FER: variants seen among roughly 807,000 people sequenced by gnomAD.
The protein encoded by FER is FER tyrosine kinase.
In FER, 63 loss-of-function variants were observed where a neutral mutation model predicts 111.0. The ratio of observed to expected loss-of-function variants is 0.57; its 90% CI spans 0.46 to 0.70. The LOEUF is 0.70. Ranked by LOEUF, FER falls within the 30% of genes least tolerant of loss-of-function variation. FER has a pLI of 0.00. For synonymous variants in FER, 327 were observed against 313.9 expected (o/e 1.04, Z -0.44); for missense variants, 914 against 954.0 (o/e 0.96, Z 0.55).
At chr5:109,131,921 T>A (rs1179288783) in intron 17 of FER, among the ~76,000 whole-genome samples, 1 of 152,142 alleles carries the variant, frequency 6.6e-6, no homozygotes, top group Non-Finnish European at 1.5e-5. Context: ...GTCAGACAGA[T>A]CCAGTTAAAA....
At chr5:108,808,105 A>G (rs897836910) in intron 3 of FER, among the ~76,000 whole-genome samples, 8 of 151,890 alleles carry the variant, frequency 5.3e-5, no homozygotes, top group African/African-American at 1.7e-4. Flanking sequence ...TGTATGATAC[A>G]TGGAATATTT....
intron 17 of FER, among the ~76,000 whole-genome samples, chr5:109,148,010 A>G (rs1396844587): frequency 2.0e-5 from 3 of 152,004 alleles, no homozygotes; most frequent in Non-Finnish European, 2.9e-5. Flanking sequence ...TCCTTCTTCA[A>G]TGAAGTATTT....
At chr5:108,861,983 A>T (rs1339563531) in intron 5 of FER, among the ~76,000 whole-genome samples, 1 of 152,206 alleles carries the variant, frequency 6.6e-6, no homozygotes, top group East Asian at 1.9e-4. Context: ...AGGAGATAAC[A>T]GATTGATTGA....
intron 13 of FER, among the ~76,000 whole-genome samples, chr5:109,023,291 C>T (rs1768187464): frequency 6.6e-6 from 1 of 152,102 alleles, no homozygotes. Context: ...ATAGTAGTTA[C>T]ATTTACTGAA....
intron 13 of FER, among the ~76,000 whole-genome samples, chr5:108,964,150 C>T (rs1004835322): frequency 1.2e-4 from 18 of 152,146 alleles, no homozygotes; most frequent in Middle Eastern, 3.4e-3. Context: ...TTACTTAGTA[C>T]TCACTCTGTG....
intron 2 of FER, among the ~76,000 whole-genome samples, chr5:108,796,661 G>C (rs575211651): frequency 5.4e-4 from 82 of 152,126 alleles, no homozygotes; most frequent in African/African-American, 1.9e-3. Flanking sequence ...ACCACCGTAG[G>C]CCCACAGGAA....
intron 16 of FER, among the ~76,000 whole-genome samples, chr5:109,095,864 A>C (rs1747448167): frequency 6.6e-6 from 1 of 152,120 alleles, no homozygotes; most frequent in Non-Finnish European, 1.5e-5. Context: ...TAGCTAAACC[A>C]AACTTCTCAG....
chr5:108,787,779 T>C (rs1315822347), intron 2 of FER, among the ~76,000 whole-genome samples: 1 of 152,148 alleles, frequency 6.6e-6, no homozygotes, highest in Admixed American at 6.6e-5. Context: ...ACTACAGGTC[T>C]CCTCCCTTCT....
In FER at chr5:109,180,826, G is replaced by A; in HGVS notation, c.2128G>A (p.Asp710Asn). Reference sequence around the variant, plus strand: ...TGACTTTGGAATGTCTCGTCAAGAGGATGGTGGAGTGTATTCATCTTCTGG... The same window carrying A: ...TGACTTTGGAATGTCTCGTCAAGAGAATGGTGGAGTGTATTCATCTTCTGG... The part of the protein sequence containing the change: ...ISDFGMSRQE[D>N]GGVYSSSGLK... Residue 710 changes from aspartate to asparagine, a missense_variant, in exon 18 of 20, where the codon GAT (aspartate) becomes AAT (asparagine). Coordinates refer to ENST00000281092, the MANE Select transcript of FER (RefSeq NM_005246.4). 6.2e-7 allele frequency: 1 copy of A among 1,613,652 alleles called. No individual in the cohort carries two copies. Among genetic ancestry groups the A allele is most frequent in the Non-Finnish European group, 8.5e-7 (1 of 1,179,738 alleles).
chr5:109,169,253 AAT>A (rs1189926542), intron 17 of FER, among the ~76,000 whole-genome samples: 1 of 152,192 alleles, frequency 6.6e-6, no homozygotes, highest in Non-Finnish European at 1.5e-5. Flanking sequence ...AGTCTTATCA[AAT>A]ATAATGCAGA....
At chr5:108,872,243 A>G in intron 8 of FER, 31 bp downstream of exon 8, 1 of 1,558,286 alleles carries the variant, frequency 6.4e-7, no homozygotes, top group African/African-American at 1.4e-5. Context: ...AACAGTTTAA[A>G]TACTAGTATT....
chr5:108,948,863 C>T (rs1441902469), intron 11 of FER, among the ~76,000 whole-genome samples: 2 of 151,936 alleles, frequency 1.3e-5, no homozygotes, highest in Non-Finnish European at 2.9e-5. Context: ...GAAAAATATT[C>T]TTTAAAACAA....
intron 2 of FER, among the ~76,000 whole-genome samples, chr5:108,796,178 A>G (rs1755994844): frequency 6.6e-6 from 1 of 152,194 alleles, no homozygotes; most frequent in South Asian, 2.1e-4. Flanking sequence ...GATTCTCTAC[A>G]TTACCAGCAG....
In FER at chr5:108,926,744, A is replaced by T. The variant is rs1434797660; in HGVS notation, c.1237-19386A>T. On this transcript the variant is annotated intron_variant, in intron 10 of 19. Transcript: ENST00000281092. ...TGGAGACATACATATTCAGTCACACATACCTGAATTGATCATAGGAAGCCT... is the reference window on the plus strand; with the variant it reads ...TGGAGACATACATATTCAGTCACACTTACCTGAATTGATCATAGGAAGCCT... 4.6e-5 allele frequency among the ~76,000 whole-genome samples: 7 copies of T among 152,338 alleles called. No individual in the cohort carries two copies. The East Asian group carries it at 1.3e-3, about 29-fold the overall frequency.
chr5:108,937,848 G>A (rs1025028987), intron 10 of FER, among the ~76,000 whole-genome samples: 5 of 151,698 alleles, frequency 3.3e-5, no homozygotes, highest in African/African-American at 9.7e-5. Context: ...ATGAGTGAGA[G>A]TAGAGAAAAT....
chr5:108,930,063 T>C (rs1754341850), intron 10 of FER, among the ~76,000 whole-genome samples: 1 of 152,176 alleles, frequency 6.6e-6, no homozygotes, highest in Non-Finnish European at 1.5e-5. Flanking sequence ...ACCCTCAAGA[T>C]AATTTATGGA....
intron 10 of FER, chr5:108,924,601 G>T (rs1294407994): frequency 8.1e-7 from 1 of 1,230,660 alleles, no homozygotes; most frequent in East Asian, 3.2e-5. Context: ...ACACAGGAAG[G>T]TTTGTTGGTA....
intron 5 of FER, among the ~76,000 whole-genome samples, chr5:108,859,976 C>G (rs149909625): frequency 6.9e-6 from 1 of 144,870 alleles, no homozygotes; most frequent in Non-Finnish European, 1.5e-5. Flanking sequence ...GAGTCTCTCT[C>G]TGTCGCCCAG....
intron 10 of FER, among the ~76,000 whole-genome samples, chr5:108,934,007 T>C (rs1755084090): frequency 6.6e-6 from 1 of 152,166 alleles, no homozygotes; most frequent in Admixed American, 6.6e-5. Context: ...GCTGAGACGA[T>C]GGCGTTTTCT....
Sources: allele counts gnomAD v4.1 joint callset (sites outside exome capture counted in the v4.1 genomes callset), GRCh38; gene constraint gnomAD v4.1.1; transcripts MANE v1.5; gene names NCBI Gene and HGNC (gene_info 2026-07-23, HGNC 2026-07-21).